Variants in APBB2 observed in about 807,000 individuals in gnomAD.
APBB2 encodes amyloid beta precursor protein binding family B member 2, also known as Fe65-like 1.
In APBB2, 38 loss-of-function variants were observed where a neutral mutation model predicts 82.5. The ratio of observed to expected loss-of-function variants is 0.46; its 90% CI spans 0.36 to 0.60. APBB2 has a LOEUF of 0.60. Among genes scored for constraint, APBB2 ranks in the 20% least tolerant of loss-of-function variants. APBB2 has a pLI of 0.00. For synonymous variants in APBB2, 341 were observed against 368.2 expected (o/e 0.93, Z 0.85); for missense variants, 772 against 972.3 (o/e 0.79, Z 2.74).
At chr4:41,186,835 A>T (rs1243692077) in intron 1 of APBB2, among the ~76,000 whole-genome samples, 3 of 152,228 alleles carry the variant, frequency 2.0e-5, no homozygotes, top group African/African-American at 7.2e-5. Flanking sequence ...AAACATGCTC[A>T]ATGCCATACA....
intron 4 of APBB2, among the ~76,000 whole-genome samples, chr4:41,049,304 G>C (rs1724836401): frequency 6.6e-6 from 1 of 150,656 alleles, no homozygotes; most frequent in African/African-American, 2.4e-5. Flanking sequence ...GAGCCCCTCT[G>C]CCCGGCAGCC....
At chr4:40,849,353 C>T (rs921131412) in intron 12 of APBB2, among the ~76,000 whole-genome samples, 2 of 152,186 alleles carry the variant, frequency 1.3e-5, no homozygotes, top group African/African-American at 2.4e-5. Context: ...GAAACAACAA[C>T]AATGTTGCCA....
chr4:41,159,919 G>A (rs4861378), intron 1 of APBB2, among the ~76,000 whole-genome samples: 3,698 of 24,940 alleles, frequency 0.15, 292 homozygotes, highest in East Asian at 0.17. Context: ...GGAGGAGGAG[G>A]AGGAGGAGGA....
chr4:41,015,921 T>C (rs569791165), intron 5 of APBB2, among the ~76,000 whole-genome samples: 1 of 151,100 alleles, frequency 6.6e-6, no homozygotes, highest in South Asian at 2.1e-4. Context: ...CTCTTGACAA[T>C]TAAATTAAAA....
intron 2 of APBB2, among the ~76,000 whole-genome samples, chr4:41,141,586 C>T (rs1759220202): frequency 2.0e-5 from 3 of 152,168 alleles, no homozygotes; most frequent in African/African-American, 7.2e-5. Context: ...AATACTATGG[C>T]CCCTCCAAAG....
At chr4:41,027,387 ATATATATATATATAT>A (rs1407538741) in intron 5 of APBB2, among the ~76,000 whole-genome samples, 31 of 67,484 alleles carry the variant, frequency 4.6e-4, no homozygotes, top group Non-Finnish European at 9.7e-4. Context: ...ATATATATAT[ATATATATATATATAT>A]ATAACATTTT....
rs562298391 is a variant in APBB2 at position 40,987,607 on chromosome 4, C to A, written c.835+25976G>T. 2.0e-5 allele frequency among the ~76,000 whole-genome samples: 3 copies of A among 152,266 alleles called. No individual in the cohort carries two copies. In the South Asian group the frequency reaches 6.2e-4, roughly 32 times the overall value. On this transcript the variant is annotated intron_variant, in intron 6 of 17. Transcript: ENST00000508593. Reference sequence around the variant, plus strand: ...CTTTTCTGCAAAATGAAGGACTGCACACAGTCTCTGTGTGTCTAACTCTCC... The same window carrying A: ...CTTTTCTGCAAAATGAAGGACTGCAAACAGTCTCTGTGTGTCTAACTCTCC...
intron 2 of APBB2, among the ~76,000 whole-genome samples, chr4:41,120,393 A>G (rs1429265392): frequency 6.6e-6 from 1 of 152,176 alleles, no homozygotes; most frequent in Non-Finnish European, 1.5e-5. Flanking sequence ...TCAACCCCAA[A>G]GGCCCCACAA....
In APBB2 at chr4:40,810,248, T is replaced by A. The variant is rs1744144653; in HGVS notation, c.*5844A>T. ...TATAGCGGTAATACATTATTTTTAT[T>A]TTAGCTTAGATTTACATTTATCAGT... On this transcript the variant is annotated 3_prime_UTR_variant, in exon 18 of 18. Coordinates refer to ENST00000508593, the MANE Select transcript of APBB2 (RefSeq NM_004307.2). 1 of 152,108 alleles carries A rather than the reference T, an allele frequency of 6.6e-6. No homozygotes were observed. The highest frequency in any genetic ancestry group is 2.4e-5 in the African/African-American group (1 of 41,428). The allele number at this position is 152,108 out of a possible 1,614,324, so 9.4% of individuals were successfully genotyped here.
At chr4:41,178,376 C>G (rs80298165) in intron 1 of APBB2, among the ~76,000 whole-genome samples, 6,391 of 152,264 alleles carry the variant, frequency 0.042, 150 homozygotes, top group Middle Eastern at 0.058. Context: ...ACAGGAGAAG[C>G]CTCAAACCCA....
intron 12 of APBB2, among the ~76,000 whole-genome samples, chr4:40,888,490 G>C (rs982825132): frequency 6.6e-6 from 1 of 152,038 alleles, no homozygotes; most frequent in African/African-American, 2.4e-5. Flanking sequence ...AATGTAACAA[G>C]CTCCACACTT....
chr4:40,917,712 T>C (rs1780187003), intron 10 of APBB2, among the ~76,000 whole-genome samples: 1 of 152,216 alleles, frequency 6.6e-6, no homozygotes, highest in Non-Finnish European at 1.5e-5. Flanking sequence ...TGGGAAAATA[T>C]CAACCAAGAG....
At chr4:41,142,519 G>A (rs957686847) in intron 2 of APBB2, among the ~76,000 whole-genome samples, 3 of 152,200 alleles carry the variant, frequency 2.0e-5, no homozygotes, top group Non-Finnish European at 2.9e-5. Context: ...GAGGCTCACA[G>A]CCAGAATTAT....
intron 4 of APBB2, among the ~76,000 whole-genome samples, chr4:41,047,685 C>T (rs369670747): frequency 6.6e-5 from 10 of 152,228 alleles, no homozygotes; most frequent in African/African-American, 2.2e-4. Context: ...CCTGGTCTAA[C>T]GATCCCAGAA....
Position 41,059,744 on chromosome 4 carries a change from G to A in APBB2, c.-51+5832C>T, listed in dbSNP as rs150389424. ...AAACAATGCTAATGACTGGTTTGCT[G>A]TTAATAAGTATGTGGGTAAATCTCT... On this transcript the variant is annotated intron_variant, in intron 4 of 17. Transcript: ENST00000508593. 8.7e-4 allele frequency among the ~76,000 whole-genome samples: 132 copies of A among 152,304 alleles called. 2 individuals carry two copies. In the East Asian group the frequency reaches 0.024, roughly 27 times the overall value.
chr4:40,930,117 T>C (rs1465725987), intron 10 of APBB2, among the ~76,000 whole-genome samples: 1 of 152,084 alleles, frequency 6.6e-6, no homozygotes, highest in African/African-American at 2.4e-5. Flanking sequence ...AATGAGAAAA[T>C]GTGAATAAAG....
chr4:41,049,557 G>C (rs1321507390), intron 4 of APBB2, among the ~76,000 whole-genome samples: 2 of 151,010 alleles, frequency 1.3e-5, no homozygotes, highest in Non-Finnish European at 2.9e-5. Context: ...AGGGAGGTGG[G>C]GGGCGCCTCT....
chr4:40,949,237 C>T (rs1789373099), intron 6 of APBB2, among the ~76,000 whole-genome samples: 1 of 145,364 alleles, frequency 6.9e-6, no homozygotes. Context: ...CCATTGCACT[C>T]CAGTCTGGGC....
At chr4:40,993,684 G>A (rs1802816410) in intron 6 of APBB2, among the ~76,000 whole-genome samples, 1 of 151,808 alleles carries the variant, frequency 6.6e-6, no homozygotes, top group African/African-American at 2.4e-5. Context: ...ATCATGCCTG[G>A]CCACTTCTAC....
Sources: allele counts gnomAD v4.1 joint callset (sites outside exome capture counted in the v4.1 genomes callset), GRCh38; gene constraint gnomAD v4.1.1; transcripts MANE v1.5; gene names NCBI Gene and HGNC (gene_info 2026-07-23, HGNC 2026-07-21).